The following PTAFR variants were observed in gnomAD, a reference collection of about 807,000 sequenced individuals.
PTAFR encodes platelet-activating factor receptor.
Under a neutral mutation model 14.7 loss-of-function variants are expected in PTAFR, and 8 were observed. That is an observed-to-expected ratio of 0.54 (90% confidence interval 0.32 to 0.98). The LOEUF (loss-of-function observed/expected upper bound fraction) is 0.98. Among genes scored for constraint, PTAFR ranks in the 50% least tolerant of loss-of-function variants. The probability of loss-of-function intolerance (pLI) is 0.04; values close to 1 mark genes in which losing one functional copy is unlikely to be tolerated. For missense variants in PTAFR, 337 were observed against 451.2 expected, an observed-to-expected ratio of 0.75 and a Z score of 2.29; for synonymous variants, 156 against 176.5, an observed-to-expected ratio of 0.88 and a Z score of 0.92.
intron 1 of PTAFR, among the ~76,000 whole-genome samples, chr1:28,167,084 G>A (rs1163995588): frequency 2.6e-5 from 4 of 152,076 alleles, no homozygotes; most frequent in Non-Finnish European, 5.9e-5. Context: ...AAAAGCACAG[G>A]CAACGAAAGC....
Position 28,149,994 on chromosome 1 carries a change from TA to T in PTAFR, c.1027del (p.Ter343SerfsTer7). ...NQIPGNSLKN[*>X] ...AGACTTCAGGCCTGGAAGCAGGGAC[TA>T]ATTTTTGAGGGAATTGCCAGGGATC... On this transcript the variant is annotated frameshift_variant and stop_lost, in exon 2 of 2. Transcript: ENST00000373857. LOFTEE classifies it high-confidence loss of function. The T allele has an allele frequency of 6.2e-7, 1 of 1,610,214 alleles. No individual in the cohort carries two copies. Among genetic ancestry groups the T allele is most frequent in the African/African-American group, 1.3e-5 (1 of 74,994 alleles).
At chr1:28,182,981 G>T (rs1439265651) in intron 1 of PTAFR, among the ~76,000 whole-genome samples, 2 of 152,038 alleles carry the variant, frequency 1.3e-5, no homozygotes, top group Non-Finnish European at 2.9e-5. Context: ...AGGCCCGGTG[G>T]TTTTCAATTT....
rs112343433 is a variant in PTAFR at position 28,164,394 on chromosome 1, A to G, written c.-39+12198T>C. 7.1e-3 allele frequency among the ~76,000 whole-genome samples: 1,076 copies of G among 152,336 alleles called. 15 individuals carry two copies. Among genetic ancestry groups the G allele is most frequent in the African/African-American group, 0.022 (918 of 41,572 alleles). On this transcript the variant is annotated intron_variant, in intron 1 of 1. Transcript: ENST00000373857. ...TGCATTCACCAACAGGGCAAGGACT[A>G]GAAGTGGTGAAGGCGGGGGAACACC...
chr1:28,156,966 C>T (rs1322325867), intron 1 of PTAFR, among the ~76,000 whole-genome samples: 1 of 152,140 alleles, frequency 6.6e-6, no homozygotes, highest in African/African-American at 2.4e-5. Context: ...CCCCCGCCCC[C>T]TTGCCCATCA....
At chr1:28,163,773 G>A (rs571138859) in intron 1 of PTAFR, among the ~76,000 whole-genome samples, 3 of 152,264 alleles carry the variant, frequency 2.0e-5, no homozygotes, top group Admixed American at 1.3e-4. Context: ...TGACCTAGGG[G>A]CTTTGACCTA....
intron 1 of PTAFR, among the ~76,000 whole-genome samples, chr1:28,188,280 T>C (rs1408192812): frequency 2.6e-5 from 4 of 152,120 alleles, no homozygotes; most frequent in African/African-American, 9.7e-5. Context: ...ACGCTGTCTC[T>C]ACTAAAAATA....
intron 1 of PTAFR, among the ~76,000 whole-genome samples, chr1:28,168,121 G>C (rs1401245955): frequency 2.3e-5 from 3 of 130,548 alleles, no homozygotes; most frequent in African/African-American, 9.6e-5. Context: ...ACCACACCCG[G>C]CTAATTTTTT....
rs755171831 is a variant in PTAFR at position 28,150,275 on chromosome 1, G to A, written c.747C>T (p.His249=). Residue 249 remains histidine (H), a synonymous_variant, in exon 2 of 2, where the codon CAC becomes CAT. Coordinates refer to ENST00000373857, the MANE Select transcript of PTAFR (RefSeq NM_000952.5). This position sits in a 1 kb window ranked among gnomAD's most constrained non-coding sequence, Gnocchi z 6.3. The part of the protein sequence containing the change: ...AVFIICFVPH[H]VVQLPWTLAE... ...CAAGGGTCCAGGGCAGCTGCACCAC[G>A]TGGTGGGGCACGAAGCAGATGATGA... 8 of 1,612,054 alleles carry A rather than the reference G, an allele frequency of 5.0e-6. No individual in the cohort carries two copies. The highest frequency in any genetic ancestry group is 3.3e-5 in the Admixed American group (2 of 59,956).
intron 1 of PTAFR, among the ~76,000 whole-genome samples, chr1:28,192,535 G>A (rs1007619323): frequency 1.4e-5 from 2 of 142,596 alleles, no homozygotes; most frequent in Non-Finnish European, 3.0e-5. Context: ...TCCAGCCTGG[G>A]CAATGAGAGC....
intron 1 of PTAFR, among the ~76,000 whole-genome samples, chr1:28,183,068 CTTG>C (rs1189309534): frequency 2.6e-5 from 4 of 151,150 alleles, no homozygotes; most frequent in Non-Finnish European, 5.9e-5. Context: ...TAAAGCAATA[CTTG>C]TTGAGCTTTT....
At chr1:28,182,862 G>A (rs1247021091) in intron 1 of PTAFR, among the ~76,000 whole-genome samples, 1 of 152,076 alleles carries the variant, frequency 6.6e-6, no homozygotes, top group African/African-American at 2.4e-5. Flanking sequence ...TGTATTTGTA[G>A]TAGAGATGGG....
chr1:28,172,005 T>TTG (rs572608867), intron 1 of PTAFR, among the ~76,000 whole-genome samples: 59 of 151,906 alleles, frequency 3.9e-4, no homozygotes, highest in Middle Eastern at 3.4e-3. Flanking sequence ...CCTCTGGTTT[T>TTG]TGTGTGTGTG....
At chr1:28,178,707 A>G (rs1411537930), upstream of PTAFR, among the ~76,000 whole-genome samples, 2 of 150,588 alleles carry the variant, frequency 1.3e-5, no homozygotes, top group African/African-American at 4.9e-5. Context: ...CTCAGCGCCT[A>G]CTCTCATGCG....
upstream of PTAFR, among the ~76,000 whole-genome samples, chr1:28,180,373 C>T (rs1396943891): frequency 1.3e-5 from 2 of 152,124 alleles, no homozygotes; most frequent in African/African-American, 4.8e-5. Flanking sequence ...GAGCAAGACT[C>T]TGTCTCAAAA....
upstream of PTAFR, among the ~76,000 whole-genome samples, chr1:28,181,496 C>A (rs1337994949): frequency 6.6e-6 from 1 of 152,130 alleles, no homozygotes; most frequent in Non-Finnish European, 1.5e-5. Context: ...CCTGTAATCT[C>A]AGTACTTTGG....
chr1:28,168,822 C>T (rs1234537260), intron 1 of PTAFR, among the ~76,000 whole-genome samples: 2 of 152,056 alleles, frequency 1.3e-5, no homozygotes, highest in African/African-American at 4.8e-5. Flanking sequence ...GCATGCACCA[C>T]CACACCCAGC....
intron 1 of PTAFR, among the ~76,000 whole-genome samples, chr1:28,187,679 C>T (rs1023301771): frequency 6.6e-6 from 1 of 152,036 alleles, no homozygotes; most frequent in Non-Finnish European, 1.5e-5. Flanking sequence ...GGTGGGGTTT[C>T]GCCATGTTGC....
intron 1 of PTAFR, among the ~76,000 whole-genome samples, chr1:28,151,349 T>G (rs1210358654): frequency 6.6e-6 from 1 of 152,026 alleles, no homozygotes; most frequent in African/African-American, 2.4e-5. Flanking sequence ...CTGGCTAGTT[T>G]GTATTTTTAG....
rs1288069860 is a variant in PTAFR, at chr1:28,148,646, T to G, written c.*1347A>C. ...CAGGCTAATTTTTTTGTATTTTTAGTAGAGACGGGGTTTTACCATATTGGT... is the reference window on the plus strand; with the variant it reads ...CAGGCTAATTTTTTTGTATTTTTAGGAGAGACGGGGTTTTACCATATTGGT... On this transcript the variant is annotated 3_prime_UTR_variant, in exon 2 of 2. Transcript: ENST00000373857. 2 of 152,380 alleles carry G rather than the reference T, an allele frequency of 1.3e-5. No individual in the cohort carries two copies. The highest frequency in any genetic ancestry group is 2.4e-5 in the African/African-American group (1 of 41,464). 9.4% of individuals were successfully genotyped at this position (152,380 alleles called of 1,614,324 possible). A position where few individuals can be genotyped will look rare whatever the true frequency, so the allele number is the denominator to read the frequency against.
Sources: gnomAD v4.1 joint callset for allele counts (sites outside exome capture counted in the v4.1 genomes callset) on GRCh38, gnomAD v4.1.1 for gene constraint, Gnocchi (gnomAD v3.1) non-coding constraint, MANE v1.5 for transcripts, NCBI Gene and HGNC (gene_info 2026-07-23, HGNC 2026-07-21) for gene names.